TARS1: variants seen among roughly 807,000 people sequenced by gnomAD.
TARS1 encodes the protein threonine--tRNA ligase 1, cytoplasmic.
Under a neutral mutation model 97.7 loss-of-function variants are expected in TARS1, and 57 were observed. That is an observed-to-expected ratio of 0.58 (90% confidence interval 0.47 to 0.73). TARS1 has a LOEUF of 0.73. TARS1 is among the 30% of genes least tolerant of loss of function. The probability of loss-of-function intolerance (pLI) is 0.00; values close to 1 mark genes in which losing one functional copy is unlikely to be tolerated. For synonymous variants in TARS1, 312 were observed against 293.7 expected, an observed-to-expected ratio of 1.06 and a Z score of -0.64; for missense variants, 806 against 888.3, an observed-to-expected ratio of 0.91 and a Z score of 1.18.
At chr5:33,447,514 T>G (rs1741479363) in intron 2 of TARS1, among the ~76,000 whole-genome samples, 1 of 152,232 alleles carries the variant, frequency 6.6e-6, no homozygotes, top group Admixed American at 6.5e-5. Context: ...CCCTAAGTGC[T>G]GGGATTACAG....
Position 33,462,126 on chromosome 5 carries a change from A to C in TARS1, c.1758A>C (p.Pro586=). 6.2e-7 allele frequency: 1 copy of C among 1,613,142 alleles called. No individual in the cohort carries two copies. The highest frequency in any genetic ancestry group is 8.5e-7 in the Non-Finnish European group (1 of 1,179,812). Residue 586 remains proline, a synonymous_variant, in exon 16 of 19, where the codon CCA becomes CCC. Coordinates refer to ENST00000265112, the MANE Select transcript of TARS1 (RefSeq NM_152295.5). ...ATGATGGTGATGATAAGAAAAGGCC[A>C]GTGATTGTTCATCGAGCCATCTTGG... ...VSHDGDDKKR[P]VIVHRAILGS...
chr5:33,441,005 C>G lies in TARS1; in HGVS notation c.-82C>G, dbSNP rs1307402373. 8.2e-6 allele frequency: 13 copies of G among 1,578,664 alleles called. No homozygotes were observed. The highest frequency in any genetic ancestry group is 3.3e-5 in the South Asian group (3 of 89,604). On this transcript the variant is annotated 5_prime_UTR_variant, in exon 1 of 19. Coordinates refer to ENST00000265112, the MANE Select transcript of TARS1 (RefSeq NM_152295.5). ...TCCAGCCGAGGCCAAGTCCCGGGCG[C>G]TAGCCCACCTCCCACCCGCCTCTTG...
Position 33,457,254 on chromosome 5 carries a change from C to T in TARS1, c.838-3C>T, listed in dbSNP as rs779559880. On this transcript the variant is annotated splice_polypyrimidine_tract_variant and splice_region_variant and intron_variant, in intron 8 of 18. Transcript: ENST00000265112. ...TTGTTTCATGGTTAATCCTTGTTTT[C>T]AGAATTCCTCCACGTACTGGGAAGG... 3 of 1,608,690 alleles carry T rather than the reference C, an allele frequency of 1.9e-6. No homozygotes were observed. The highest frequency in any genetic ancestry group is 4.5e-5 in the East Asian group (2 of 44,770).
rs1437000452 is a variant in TARS1, at chr5:33,451,373, C to T, written c.330-1916C>T. On this transcript the variant is annotated intron_variant, in intron 3 of 18. Coordinates refer to ENST00000265112, the MANE Select transcript of TARS1 (RefSeq NM_152295.5). The stretch of plus-strand genomic sequence containing the variant: ...TTTTCTTTGAAGTTTTGTTATAAAT[C>T]TTTTTTTTTTTTTTTTGAGACGGAG... Among the ~76,000 whole-genome samples, 3 of 138,936 alleles carry T rather than the reference C, an allele frequency of 2.2e-5. No individual in the cohort carries two copies. In the East Asian group the frequency reaches 6.3e-4, roughly 29 times the overall value. The allele number at this position is 138,936 out of a possible 152,430, so 91.1% of individuals were successfully genotyped here.
At position 33,452,335 on chromosome 5, in the gene TARS1, C is replaced by T. The variant is rs75334927; in HGVS notation, c.330-954C>T. ...AATCTGGCTCACCTACTCAACTCTGCTCTAGTCACACAGCTTCCTGCAAAA... is the reference window on the plus strand; with the variant it reads ...AATCTGGCTCACCTACTCAACTCTGTTCTAGTCACACAGCTTCCTGCAAAA... On this transcript the variant is annotated intron_variant, in intron 3 of 18. Coordinates refer to ENST00000265112, the MANE Select transcript of TARS1 (RefSeq NM_152295.5). 5,641 of 1,534,822 alleles carry T rather than the reference C, an allele frequency of 3.7e-3. 167 individuals are homozygous for T. In the African/African-American group the frequency reaches 0.068, roughly 18 times the overall value.
intron 2 of TARS1, among the ~76,000 whole-genome samples, chr5:33,445,849 C>G (rs1257612550): frequency 6.6e-6 from 1 of 152,136 alleles, no homozygotes; most frequent in Non-Finnish European, 1.5e-5. Flanking sequence ...TGGACCTGCC[C>G]TAGGGTTGGC....
At chr5:33,461,404 A>G (rs1579590812) in intron 13 of TARS1, 109 bp downstream of exon 13, 3 of 1,438,546 alleles carry the variant, frequency 2.1e-6, no homozygotes, top group Non-Finnish European at 1.9e-6. Context: ...TGAAATTGGA[A>G]ATGGTTCCTA....
Position 33,454,962 on chromosome 5 carries a change from T to C in TARS1, c.471T>C (p.Ser157=). The change falls in exon 5 of 19, where the codon AGT becomes AGC. Residue 157 remains serine, a synonymous_variant. Transcript: ENST00000265112. ...ATTTTCAGGTGTATTGGCACTCTAG[T>C]GCTCACATAATGGGTGAAGCCATGG... is the stretch of plus-strand genomic sequence containing the variant. ...EEAQAVYWHS[S]AHIMGEAMER... 1 of 1,613,948 alleles carries C rather than the reference T, an allele frequency of 6.2e-7. No homozygotes were observed. The highest frequency in any genetic ancestry group is 8.5e-7 in the Non-Finnish European group (1 of 1,179,870).
chr5:33,465,715 A>G (rs980463890), intron 17 of TARS1, among the ~76,000 whole-genome samples: 2 of 152,216 alleles, frequency 1.3e-5, no homozygotes, highest in Admixed American at 6.5e-5. Flanking sequence ...AGTCACTTAG[A>G]TTGTTTCAAA....
chr5:33,446,708 G>A, intron 2 of TARS1: 2 of 1,289,358 alleles, frequency 1.6e-6, no homozygotes, highest in Non-Finnish European at 2.0e-6. Context: ...ATTCTAATTG[G>A]GACATTGCAA....
intron 1 of TARS1, among the ~76,000 whole-genome samples, chr5:33,443,190 G>A (rs1466890847): frequency 6.6e-6 from 1 of 152,116 alleles, no homozygotes; most frequent in Non-Finnish European, 1.5e-5. Context: ...GAGACCTGTT[G>A]TAATTTCCCA....
In TARS1 at chr5:33,467,651, C is replaced by G. The variant is rs61734318; in HGVS notation, c.2115C>G (p.Ile705Met). The change falls in exon 19 of 19, where the codon ATC (isoleucine) becomes ATG (methionine). Residue 705 changes from isoleucine (I) to methionine (M), a missense_variant. Ile to Met is a conservative substitution (Grantham distance 10, BLOSUM62 1). Around this residue, in one of 3 missense-constraint regions of TARS1, gnomAD observed 446 missense variants for 511.0 expected, o/e 0.87. Transcript: ENST00000265112. ...VHGERTISET[I>M]ERLQQLKEFR... The stretch of plus-strand genomic sequence containing the variant: ...GGGAACGCACCATTTCTGAAACTAT[C>G]GAGCGGCTACAGCAGCTCAAAGAGT... The G allele has an allele frequency of 6.5e-4, 1,046 of 1,613,834 alleles. 6 individuals carry two copies. The African/African-American group carries it at 0.012, about 19-fold the overall frequency.
chr5:33,458,610 C>CT lies in TARS1; in HGVS notation c.1035dup (p.Leu346SerfsTer9), dbSNP rs1220496944. ...TTCATGAACTCAGCCCTGGAAGTTG[C>CT]TTTTTTCTGCCAAAAGGAGCCTACA... On this transcript the variant is annotated frameshift_variant, in exon 10 of 19. Transcript: ENST00000265112. LOFTEE classifies it high-confidence loss of function. The CT allele has an allele frequency of 6.2e-7, 1 of 1,613,652 alleles. No homozygotes were observed. Among genetic ancestry groups the CT allele is most frequent in the East Asian group, 2.2e-5 (1 of 44,818 alleles).
intron 18 of TARS1, 37 bp from the exon 19 acceptor site, chr5:33,467,523 A>C (rs560092612): frequency 6.3e-7 from 1 of 1,594,624 alleles, no homozygotes; most frequent in East Asian, 2.3e-5. Flanking sequence ...CCATATCTTT[A>C]GATTAAGTCT....
At chr5:33,443,642 G>C (rs1415784111) in intron 1 of TARS1, among the ~76,000 whole-genome samples, 1 of 151,672 alleles carries the variant, frequency 6.6e-6, no homozygotes, top group African/African-American at 2.4e-5. Context: ...ACAGGCACCC[G>C]CCACCACGCC....
At chr5:33,454,918 C>G in intron 4 of TARS1, 27 bp from the exon 5 acceptor site, 1 of 1,611,226 alleles carries the variant, frequency 6.2e-7, no homozygotes, top group Non-Finnish European at 8.5e-7. Context: ...AAGACTCAGA[C>G]CATGCCATTT....
intron 2 of TARS1, 106 bp downstream of exon 2, chr5:33,445,510 G>T (rs1741369804): frequency 1.1e-6 from 1 of 883,316 alleles, no homozygotes; most frequent in Non-Finnish European, 1.8e-6. Flanking sequence ...TTACATGGTA[G>T]TGTAAGATGG....
rs374841973 is a variant in TARS1 at position 33,441,112 on chromosome 5, C to T, written c.26C>T (p.Pro9Leu). Residue 9 changes from proline (P) to leucine (L), a missense_variant, in exon 1 of 19, where the codon CCT becomes CTT. Physicochemically the swap from Pro to Leu is moderately conservative, Grantham distance 98 (BLOSUM62 -3). Around this residue, in one of 3 missense-constraint regions of TARS1, gnomAD observed 356 missense variants for 357.8 expected, o/e 0.99. Transcript: ENST00000265112. The part of the protein sequence containing the change: MFEEKASS[P>L]SGKMGGEEKP... ...ATGTTTGAGGAGAAGGCCAGCAGTC[C>T]TTCAGGGAAGATGGGAGGCGAGGAG... 2.9e-5 allele frequency: 47 copies of T among 1,614,114 alleles called. No individual in the cohort carries two copies. The highest frequency in any genetic ancestry group is 3.7e-5 in the Non-Finnish European group (44 of 1,180,054).
Position 33,467,672 on chromosome 5 carries a change from A to C in TARS1, c.2136A>C (p.Lys712Asn). Residue 712 changes from lysine (K) to asparagine (N), a missense_variant, in exon 19 of 19, where the codon AAA becomes AAC. Transcript: ENST00000265112. ...SETIERLQQLKEFRSKQAEEE... is the reference protein window; with the variant it reads ...SETIERLQQLNEFRSKQAEEE... Reference sequence around the variant, plus strand: ...CTATCGAGCGGCTACAGCAGCTCAAAGAGTTCCGCAGCAAACAGGCAGAAG... The same window carrying C: ...CTATCGAGCGGCTACAGCAGCTCAACGAGTTCCGCAGCAAACAGGCAGAAG... 6.2e-7 allele frequency: 1 copy of C among 1,613,544 alleles called. No individual in the cohort carries two copies. The highest frequency in any genetic ancestry group is 1.3e-5 in the African/African-American group (1 of 75,032).
Sources: allele counts gnomAD v4.1 joint callset (sites outside exome capture counted in the v4.1 genomes callset), GRCh38; gene constraint gnomAD v4.1.1; regional missense constraint gnomAD v4.1.1; transcripts MANE v1.5; gene names NCBI Gene and HGNC (gene_info 2026-07-23, HGNC 2026-07-21).